The following LRP1B variants were observed in gnomAD, a reference collection of about 807,000 sequenced individuals.
LRP1B encodes the protein low-density lipoprotein receptor-related protein 1B.
In LRP1B, 217 loss-of-function variants were observed where a neutral mutation model predicts 556.6. That is an observed-to-expected ratio of 0.39 (90% CI 0.35 to 0.44). The LOEUF (loss-of-function observed/expected upper bound fraction) is 0.44, where lower values mean the gene tolerates loss of function less well. LRP1B is among the 20% of genes least tolerant of loss of function. The pLI is 1.00. For synonymous variants in LRP1B, 2,047 were observed against 1,865.8 expected, an observed-to-expected ratio of 1.10 and a Z score of -2.50; for missense variants, 5,053 against 5,620.8, an observed-to-expected ratio of 0.90 and a Z score of 3.23.
intron 2 of LRP1B, among the ~76,000 whole-genome samples, chr2:141,642,004 C>CAA (rs199556947): frequency 5.0e-5 from 7 of 139,454 alleles, no homozygotes; most frequent in African/African-American, 1.7e-4. Flanking sequence ...AACAAACAAA[C>CAA]AAAACCCCCC....
At chr2:140,655,048 CT>C (rs1684830189) in intron 41 of LRP1B, among the ~76,000 whole-genome samples, 1 of 139,332 alleles carries the variant, frequency 7.2e-6, no homozygotes, top group Non-Finnish European at 1.6e-5. Context: ...ATATATATAT[CT>C]CCTAGCTCTC....
chr2:140,528,503 A>AT (rs972585262), intron 47 of LRP1B, among the ~76,000 whole-genome samples: 2 of 151,094 alleles, frequency 1.3e-5, no homozygotes, highest in African/African-American at 4.9e-5. Context: ...TTTTTTTCCT[A>AT]TTTTCCAAAA....
At chr2:141,247,385 C>T (rs963076289) in intron 4 of LRP1B, 31 bp from the exon 5 acceptor site, 8 of 1,610,476 alleles carry the variant, frequency 5.0e-6, no homozygotes, top group Non-Finnish European at 5.9e-6. Flanking sequence ...CATTTCTAAG[C>T]AGCTTTATCT....
chr2:141,299,434 G>A (rs147147492), intron 3 of LRP1B, among the ~76,000 whole-genome samples: 2 of 152,248 alleles, frequency 1.3e-5, no homozygotes, highest in African/African-American at 4.8e-5. Flanking sequence ...TATTTTAAAT[G>A]TGTGACCATC....
At chr2:141,787,003 T>A (rs1294513012) in intron 2 of LRP1B, among the ~76,000 whole-genome samples, 5 of 151,954 alleles carry the variant, frequency 3.3e-5, no homozygotes, top group Non-Finnish European at 7.4e-5. Flanking sequence ...CTTGGTCATG[T>A]TACAATGTTA....
At chr2:141,765,726 G>T (rs922290898) in intron 2 of LRP1B, among the ~76,000 whole-genome samples, 1 of 152,142 alleles carries the variant, frequency 6.6e-6, no homozygotes, top group Non-Finnish European at 1.5e-5. Flanking sequence ...AGTTTCAAAG[G>T]GAGCAAAGGT....
intron 15 of LRP1B, among the ~76,000 whole-genome samples, chr2:141,004,294 A>C (rs1206879904): frequency 6.6e-6 from 1 of 152,082 alleles, no homozygotes; most frequent in African/African-American, 2.4e-5. Context: ...TGAATTAGTA[A>C]AGTGAGTGAA....
chr2:140,456,615 A>C lies in LRP1B; in HGVS notation c.9815-12T>G. 6.2e-7 allele frequency: 1 copy of C among 1,603,722 alleles called. No individual in the cohort carries two copies. Among genetic ancestry groups the C allele is most frequent in the Non-Finnish European group, 8.5e-7 (1 of 1,174,688 alleles). On this transcript the variant is annotated splice_polypyrimidine_tract_variant and intron_variant, in intron 61 of 90. Coordinates refer to ENST00000389484, the MANE Select transcript of LRP1B (RefSeq NM_018557.3). ...GAGATGTTTGGAGACTAAAGATAAG[A>C]AAGAAACAACAACAACAAAACAGGA...
At chr2:140,467,550 C>A (rs1687596256) in intron 60 of LRP1B, among the ~76,000 whole-genome samples, 1 of 146,522 alleles carries the variant, frequency 6.8e-6, no homozygotes, top group African/African-American at 2.5e-5. Flanking sequence ...GAGGCAGAGA[C>A]TGCAGTGAGT....
intron 1 of LRP1B, among the ~76,000 whole-genome samples, chr2:142,001,562 C>T (rs920820041): frequency 6.6e-5 from 10 of 152,138 alleles, no homozygotes; most frequent in African/African-American, 2.4e-4. Context: ...TAACCTGCCA[C>T]GCACATTAAT....
At chr2:140,481,033 A>G (rs950064320) in intron 59 of LRP1B, among the ~76,000 whole-genome samples, 2 of 151,924 alleles carry the variant, frequency 1.3e-5, no homozygotes, top group Non-Finnish European at 2.9e-5. Flanking sequence ...GGCCTGGCTA[A>G]TTTTTGTATT....
At chr2:141,281,370 CTT>C (rs1558979048) in intron 3 of LRP1B, among the ~76,000 whole-genome samples, 1 of 151,848 alleles carries the variant, frequency 6.6e-6, no homozygotes, top group Non-Finnish European at 1.5e-5. Context: ...AAAATAGAGA[CTT>C]TGCAGAAAAA....
At chr2:142,075,301 G>A (rs894131771) in intron 1 of LRP1B, among the ~76,000 whole-genome samples, 1 of 151,806 alleles carries the variant, frequency 6.6e-6, no homozygotes, top group Non-Finnish European at 1.5e-5. Flanking sequence ...AGGCAGAATA[G>A]GGTGTATTAA....
At chr2:141,255,511 G>T (rs1302047669) in intron 3 of LRP1B, among the ~76,000 whole-genome samples, 1 of 151,948 alleles carries the variant, frequency 6.6e-6, no homozygotes, top group African/African-American at 2.4e-5. Context: ...ATATGTAAAA[G>T]AACACCTGAA....
At chr2:141,719,685 C>T (rs1692745101) in intron 2 of LRP1B, among the ~76,000 whole-genome samples, 1 of 152,026 alleles carries the variant, frequency 6.6e-6, no homozygotes, top group Non-Finnish European at 1.5e-5. Flanking sequence ...TGGAATACTA[C>T]ACAGCTGTAA....
At chr2:141,476,553 A>T (rs921826156) in intron 3 of LRP1B, among the ~76,000 whole-genome samples, 12 of 152,148 alleles carry the variant, frequency 7.9e-5, no homozygotes, top group Non-Finnish European at 1.5e-4. Flanking sequence ...ACATGCAAGT[A>T]CCCCCATATA....
chr2:141,789,350 A>T (rs1695532808), intron 2 of LRP1B, among the ~76,000 whole-genome samples: 1 of 152,016 alleles, frequency 6.6e-6, no homozygotes, highest in Non-Finnish European at 1.5e-5. Flanking sequence ...AAGAAATTTT[A>T]GCTATAAATA....
chr2:141,187,121 A>G (rs1681295190), intron 7 of LRP1B, among the ~76,000 whole-genome samples: 1 of 152,106 alleles, frequency 6.6e-6, no homozygotes, highest in Non-Finnish European at 1.5e-5. Flanking sequence ...CCAACAACCC[A>G]AACAAATCAG....
chr2:141,781,777 A>G (rs932422115), intron 2 of LRP1B, among the ~76,000 whole-genome samples: 11 of 152,140 alleles, frequency 7.2e-5, no homozygotes, highest in African/African-American at 2.7e-4. Context: ...TCCAAGATAA[A>G]AATTTTCTGA....
Sources: allele counts gnomAD v4.1 joint callset (sites outside exome capture counted in the v4.1 genomes callset), GRCh38; gene constraint gnomAD v4.1.1; transcripts MANE v1.5; gene names NCBI Gene and HGNC (gene_info 2026-07-23, HGNC 2026-07-21).